The following CCDC148 variants were observed in gnomAD, a reference collection of about 807,000 sequenced individuals.
The protein encoded by CCDC148 is coiled-coil domain containing 148, also known as coiled-coil domain-containing protein 148.
A neutral mutation model predicts 85.7 loss-of-function variants in CCDC148; 89 were observed. That is an observed-to-expected ratio of 1.04 (90% CI 0.87 to 1.24). The LOEUF (loss-of-function observed/expected upper bound fraction) is 1.24, where lower values mean the gene tolerates loss of function less well. Among genes scored for constraint, CCDC148 ranks in the 50% most tolerant of loss-of-function variants. CCDC148 has a pLI of 0.00. For missense variants in CCDC148, 692 were observed against 671.7 expected (o/e 1.03, Z -0.33); for synonymous variants, 230 against 213.9 (o/e 1.08, Z -0.66).
intron 9 of CCDC148, among the ~76,000 whole-genome samples, chr2:158,259,667 A>G (rs1040083867): frequency 6.6e-6 from 1 of 151,878 alleles, no homozygotes; most frequent in Non-Finnish European, 1.5e-5. Context: ...GTGGCCTTAC[A>G]GCTATTTATT....
At chr2:158,173,441 T>C (rs1024447658) in intron 13 of CCDC148, among the ~76,000 whole-genome samples, 1 of 152,030 alleles carries the variant, frequency 6.6e-6, no homozygotes, top group Non-Finnish European at 1.5e-5. Context: ...ATCATTGTAG[T>C]TGCATAGGAA....
Position 158,443,169 on chromosome 2 carries a change from A to G in CCDC148, c.25+13246T>C, listed in dbSNP as rs550151570. 1.6e-4 allele frequency among the ~76,000 whole-genome samples: 25 copies of G among 152,192 alleles called. No individual in the cohort carries two copies. The South Asian group carries it at 5.2e-3, about 32-fold the overall frequency. ...AAGGGGAAAGGCATATCTTGAACAA[A>G]AAAAAACAAACAAAAAAAAGTCACT... On this transcript the variant is annotated intron_variant, in intron 1 of 13. Coordinates refer to ENST00000283233, the MANE Select transcript of CCDC148 (RefSeq NM_138803.4).
At chr2:158,284,176 G>T (rs1375375059) in intron 9 of CCDC148, among the ~76,000 whole-genome samples, 2 of 151,530 alleles carry the variant, frequency 1.3e-5, no homozygotes, top group Non-Finnish European at 2.9e-5. Flanking sequence ...CCTAATGCTA[G>T]ATGACGAGTT....
chr2:158,283,614 A>T (rs2105178902), intron 9 of CCDC148, among the ~76,000 whole-genome samples: 1 of 152,338 alleles, frequency 6.6e-6, no homozygotes, highest in African/African-American at 2.4e-5. Flanking sequence ...ATCATTAAAA[A>T]GTCAGGAAAC....
chr2:158,436,575 G>A (rs1009257848), intron 1 of CCDC148, among the ~76,000 whole-genome samples: 1 of 152,126 alleles, frequency 6.6e-6, no homozygotes, highest in Non-Finnish European at 1.5e-5. Context: ...AACTAGTGAA[G>A]CAAGAGCAAA....
At chr2:158,402,432 C>CAA (rs5835702) in intron 1 of CCDC148, among the ~76,000 whole-genome samples, 414 of 143,120 alleles carry the variant, frequency 2.9e-3, no homozygotes, top group African/African-American at 0.01. Flanking sequence ...AGAAAGTAGT[C>CAA]AAAAAAAAAA....
At chr2:158,276,554 TCAAAACAAAA>T (rs58603462) in intron 9 of CCDC148, among the ~76,000 whole-genome samples, 47,244 of 149,842 alleles carry the variant, frequency 0.32, 8,151 homozygotes, top group Middle Eastern at 0.45. Context: ...AGACTCAGTC[TCAAAACAAAA>T]CAAAACAAAA....
intron 1 of CCDC148, among the ~76,000 whole-genome samples, chr2:158,421,867 G>T (rs1686805693): frequency 6.6e-6 from 1 of 151,904 alleles, no homozygotes; most frequent in Non-Finnish European, 1.5e-5. Flanking sequence ...AGAAAAGAGA[G>T]AAGAATCAAA....
intron 9 of CCDC148, among the ~76,000 whole-genome samples, chr2:158,267,850 T>C (rs1689536772): frequency 6.6e-6 from 1 of 152,182 alleles, no homozygotes; most frequent in South Asian, 2.1e-4. Context: ...ACACAGTATG[T>C]AGTCTTTGTG....
intron 11 of CCDC148, among the ~76,000 whole-genome samples, chr2:158,187,658 T>A (rs1685219529): frequency 6.6e-6 from 1 of 152,010 alleles, no homozygotes. Flanking sequence ...GATACCTTCT[T>A]CTTGGAATGT....
intron 11 of CCDC148, among the ~76,000 whole-genome samples, chr2:158,204,332 C>A (rs970913106): frequency 3.3e-5 from 5 of 152,204 alleles, no homozygotes; most frequent in Middle Eastern, 6.8e-3. Context: ...GATCTAAATG[C>A]CTTCTACTTG....
Position 158,173,875 on chromosome 2 carries a change from C to T in CCDC148, c.1630-1616G>A, listed in dbSNP as rs1228580442. Among the ~76,000 whole-genome samples, 3 of 151,938 alleles carry T rather than the reference C, an allele frequency of 2.0e-5. No homozygotes were observed. In the East Asian group the frequency reaches 5.8e-4, roughly 29 times the overall value. On this transcript the variant is annotated intron_variant, in intron 13 of 13. Coordinates refer to ENST00000283233, the MANE Select transcript of CCDC148 (RefSeq NM_138803.4). ...CTCTTTTCAGTTCCATGTTGTGAGG[C>T]TTAAATTTTTTTTTATTATTCAATT...
intron 11 of CCDC148, among the ~76,000 whole-genome samples, chr2:158,215,286 A>T (rs1340119087): frequency 6.6e-6 from 1 of 152,208 alleles, no homozygotes; most frequent in Non-Finnish European, 1.5e-5. Context: ...AAATTTTAGA[A>T]GAAATATGAA....
rs185508604 is a variant in CCDC148 at position 158,448,322 on chromosome 2, T to C, written c.25+8093A>G. On this transcript the variant is annotated intron_variant, in intron 1 of 13. Coordinates refer to ENST00000283233, the MANE Select transcript of CCDC148 (RefSeq NM_138803.4). ...CTCTTACCTTTTTTTTACAAGATTG[T>C]TTTTGATATGTATTTCCATTTTATT... 1.2e-4 allele frequency among the ~76,000 whole-genome samples: 18 copies of C among 152,086 alleles called. No homozygotes were observed. The East Asian group carries it at 3.1e-3, about 26-fold the overall frequency.
At chr2:158,346,793 A>C (rs1382387275) in intron 2 of CCDC148, among the ~76,000 whole-genome samples, 1 of 152,188 alleles carries the variant, frequency 6.6e-6, no homozygotes, top group Non-Finnish European at 1.5e-5. Flanking sequence ...AAGTTCTAAA[A>C]AGGAATCTTT....
chr2:158,314,667 GAATT>G (rs1432489412), intron 7 of CCDC148, among the ~76,000 whole-genome samples: 5 of 152,156 alleles, frequency 3.3e-5, no homozygotes, highest in Admixed American at 2.0e-4. Flanking sequence ...ACACTAAACT[GAATT>G]AATATCTTTT....
chr2:158,436,376 T>C (rs1687651986), intron 1 of CCDC148, among the ~76,000 whole-genome samples: 1 of 152,202 alleles, frequency 6.6e-6, no homozygotes, highest in Non-Finnish European at 1.5e-5. Flanking sequence ...CCTGAATGAC[T>C]ACTGGGTACC....
chr2:158,415,882 T>C (rs1425515573), intron 1 of CCDC148, among the ~76,000 whole-genome samples: 1 of 152,228 alleles, frequency 6.6e-6, no homozygotes, highest in Admixed American at 6.5e-5. Flanking sequence ...TAGTGGGGAC[T>C]CTGTGTGGGG....
chr2:158,274,644 T>C (rs1403820524), intron 9 of CCDC148, among the ~76,000 whole-genome samples: 3 of 152,192 alleles, frequency 2.0e-5, no homozygotes, highest in African/African-American at 4.8e-5. Context: ...AAATGAAATA[T>C]TATAGAGTAT....
Sources: allele counts gnomAD v4.1 joint callset (sites outside exome capture counted in the v4.1 genomes callset), GRCh38; gene constraint gnomAD v4.1.1; transcripts MANE v1.5; gene names NCBI Gene and HGNC (gene_info 2026-07-23, HGNC 2026-07-21).